Variants in PAK6 observed in about 807,000 individuals in gnomAD.
The protein encoded by PAK6 is p21 (RAC1) activated kinase 6.
PAK6 carries 33 observed loss-of-function variants against 60.8 expected under a neutral mutation model. The observed-to-expected ratio is 0.54, with a 90% confidence interval of 0.41 to 0.73. The LOEUF (loss-of-function observed/expected upper bound fraction) is 0.73. Among genes scored for constraint, PAK6 ranks in the 30% least tolerant of loss-of-function variants. PAK6 has a pLI of 0.00. For missense variants in PAK6, 845 were observed against 904.1 expected, an observed-to-expected ratio of 0.93 and a Z score of 0.84; for synonymous variants, 404 against 378.5, an observed-to-expected ratio of 1.07 and a Z score of -0.78.
chr15:40,265,780 CAG>C, intron 4 of PAK6, 60 bp from the exon 5 acceptor site: 6 of 1,458,890 alleles, frequency 4.1e-6, no homozygotes. Flanking sequence ...CCTGATCTCC[CAG>C]CCACCCCTCC....
At chr15:40,265,055 AC>A in intron 4 of PAK6, 66 bp downstream of exon 4, 1 of 1,484,010 alleles carries the variant, frequency 6.7e-7, no homozygotes, top group Non-Finnish European at 9.2e-7. Context: ...GCCTGGCTAA[AC>A]CTCAGAAAGG....
At chr15:40,268,006 C>A (rs2039194247) in intron 5 of PAK6, among the ~76,000 whole-genome samples, 1 of 152,194 alleles carries the variant, frequency 6.6e-6, no homozygotes, top group South Asian at 2.1e-4. Context: ...GCCAGCACCC[C>A]ACAGCAGGGG....
intron 2 of PAK6, chr15:40,252,968 A>G: frequency 1.5e-6 from 1 of 686,414 alleles, no homozygotes; most frequent in Non-Finnish European, 2.0e-6. Context: ...GTGGCTGGAG[A>G]GGGGCCGCCC....
intron 10 of PAK6, 74 bp from the exon 11 acceptor site, chr15:40,275,850 AATG>A (rs1249335098): frequency 5.1e-6 from 7 of 1,374,640 alleles, no homozygotes; most frequent in Non-Finnish European, 7.0e-6. Context: ...ACTTTCAAAC[AATG>A]ATAAGTCCAG....
In PAK6 at chr15:40,272,246, C is replaced by T. The variant is rs772030152; in HGVS notation, c.881C>T (p.Pro294Leu). 6.2e-6 allele frequency: 10 copies of T among 1,610,306 alleles called. No individual in the cohort carries two copies. In the East Asian group the frequency reaches 6.7e-5, roughly 11 times the overall value. The change falls in exon 6 of 11, where the codon CCG (proline) becomes CTG (leucine). Residue 294 changes from proline to leucine, a missense_variant. Transcript: ENST00000560346. The stretch of plus-strand genomic sequence containing the variant: ...CAGCCCAACTCCTCTTTCCGACCGC[C>T]GCAGAAAGACAACCCCCCAAGCCTG...
chr15:40,252,208 T>G, intron 2 of PAK6: 4 of 1,135,380 alleles, frequency 3.5e-6, no homozygotes, highest in Non-Finnish European at 4.5e-6. Context: ...CCCGCTCAGG[T>G]CCGGGAGAGT....
At chr15:40,252,330 C>G (rs117614422) in intron 2 of PAK6, 74,246 of 1,275,260 alleles carry the variant, frequency 0.058, 2,432 homozygotes, top group Non-Finnish European at 0.066. Context: ...GCCACTGGGC[C>G]GTGGAGCCGC....
Position 40,252,802 on chromosome 15 carries a change from G to A in PAK6, c.-117-376G>A, listed in dbSNP as rs773023626. ...CGAAGTTCGGGACCAGCCGGCGCCA[G>A]GCGAGGGGCCTTGGGCGCAGGCATC... On this transcript the variant is annotated intron_variant, in intron 2 of 10. Transcript: ENST00000560346. The A allele has an allele frequency of 3.9e-6, 5 of 1,298,048 alleles. No homozygotes were observed. The East Asian group carries it at 2.8e-4, about 72-fold the overall frequency. 80.4% of individuals were successfully genotyped at this position (1,298,048 alleles called of 1,614,324 possible).
chr15:40,244,831 A>C (rs1388873562), intron 2 of PAK6: 1 of 152,190 alleles, frequency 6.6e-6, no homozygotes, highest in African/African-American at 2.4e-5. Flanking sequence ...CATGTGAAAA[A>C]ACAGGTTCCC....
intron 3 of PAK6, among the ~76,000 whole-genome samples, chr15:40,253,774 G>A (rs1379825509): frequency 1.3e-5 from 2 of 152,222 alleles, no homozygotes; most frequent in African/African-American, 4.8e-5. Flanking sequence ...CTCCAGACCT[G>A]CTCAGGTGGC....
At chr15:40,266,532 G>T in intron 5 of PAK6, 37 bp downstream of exon 5, 3 of 1,550,220 alleles carry the variant, frequency 1.9e-6, no homozygotes, top group South Asian at 1.3e-5. Context: ...GTCCACTGGG[G>T]AGTGGGTGTA....
In PAK6 at chr15:40,266,364, G is replaced by A. The variant is rs2039136256; in HGVS notation, c.727G>A (p.Gly243Arg). ...GGGCTCAGCCACAGGCAGGCCAGGT[G>A]GGGAAGGCAGCCCTAGCCCTAAGAC... Residue 243 changes from glycine to arginine, a missense_variant, in exon 5 of 11, where the codon GGG becomes AGG. Coordinates refer to ENST00000560346, the Ensembl canonical transcript of PAK6. The A allele has an allele frequency of 2.5e-6, 4 of 1,612,816 alleles. No homozygotes were observed. The highest frequency in any genetic ancestry group is 8.5e-7 in the Non-Finnish European group (1 of 1,179,890).
chr15:40,253,282 G>A (rs981585260), exon 3 of PAK6: 14 of 455,594 alleles, frequency 3.1e-5, no homozygotes, highest in Non-Finnish European at 6.2e-5. Context: ...GGCGGAAGGC[G>A]CCGGAAGGTG....
chr15:40,257,495 A>G (rs1402347749), intron 3 of PAK6, among the ~76,000 whole-genome samples: 1 of 152,236 alleles, frequency 6.6e-6, no homozygotes, highest in African/African-American at 2.4e-5. Flanking sequence ...ACTTCTGGTG[A>G]AAAGCGGGGT....
At chr15:40,276,504 G>C (rs2039458359) in exon 11 of PAK6, 1 of 167,334 alleles carries the variant, frequency 6.0e-6, no homozygotes, top group South Asian at 1.8e-4. Flanking sequence ...CTCAGCTCCA[G>C]CTTCAAACCT....
rs539403222 is a variant in PAK6 at position 40,270,271 on chromosome 15, C to G, written c.859-1953C>G. ...AGTCATGGCCATGCGCCCTCCACCC[C>G]CCTCACAGCCCTCCCAGAGGCTCCC... On this transcript the variant is annotated intron_variant, in intron 5 of 10. Coordinates refer to ENST00000560346, the Ensembl canonical transcript of PAK6. Among the ~76,000 whole-genome samples the G allele has an allele frequency of 3.3e-5, 5 of 152,300 alleles. No homozygotes were observed. In the East Asian group the frequency reaches 5.8e-4, roughly 18 times the overall value.
At chr15:40,256,752 A>G (rs918405629) in intron 3 of PAK6, 1 of 152,078 alleles carries the variant, frequency 6.6e-6, no homozygotes, top group African/African-American at 2.4e-5. Context: ...CATAATGGAG[A>G]CAGTACTAGT....
Position 40,265,968 on chromosome 15 carries a change from GCA to G in PAK6, c.334_335del (p.Gln112ValfsTer8). 1 of 1,604,114 alleles carries G rather than the reference GCA, an allele frequency of 6.2e-7. No individual in the cohort carries two copies. Among genetic ancestry groups the G allele is most frequent in the South Asian group, 1.1e-5 (1 of 90,004 alleles). ...CCGCAGCCCCACCAGCCGGCGGCGGGCACAGTCCCTGGGGCTGCTGGGGGATG... is the reference window on the plus strand; with the variant it reads ...CCGCAGCCCCACCAGCCGGCGGCGGGCAGTCCCTGGGGCTGCTGGGGGATG... On this transcript the variant is annotated frameshift_variant, in exon 5 of 11. Coordinates refer to ENST00000560346, the Ensembl canonical transcript of PAK6. LOFTEE classifies it high-confidence loss of function.
chr15:40,265,986 C>G (rs1283380102), exon 5 of PAK6: 1 of 1,602,702 alleles, frequency 6.2e-7, no homozygotes, highest in African/African-American at 1.3e-5. Context: ...CCTGGGGCTG[C>G]TGGGGGATGA....
Sources: allele counts gnomAD v4.1 joint callset (sites outside exome capture counted in the v4.1 genomes callset), GRCh38; gene constraint gnomAD v4.1.1; transcripts MANE v1.5; gene names NCBI Gene and HGNC (gene_info 2026-07-23, HGNC 2026-07-21).